Variants in DYNC2H1 observed in about 807,000 individuals in gnomAD.
DYNC2H1 encodes dynein cytoplasmic 2 heavy chain 1, also known as cytoplasmic dynein 2 heavy chain 1.
A neutral mutation model predicts 570.0 loss-of-function variants in DYNC2H1; 410 were observed. The ratio of observed to expected loss-of-function variants is 0.72; its 90% confidence interval spans 0.66 to 0.78. The LOEUF (loss-of-function observed/expected upper bound fraction) is 0.78, where lower values mean the gene tolerates loss of function less well. DYNC2H1 is among the 30% of genes least tolerant of loss of function. The probability of loss-of-function intolerance (pLI) is 0.00; values close to 1 mark genes in which losing one functional copy is unlikely to be tolerated. For synonymous variants in DYNC2H1, 1,688 were observed against 1,677.6 expected, an observed-to-expected ratio of 1.01 and a Z score of -0.15; for missense variants, 4,865 against 5,046.4, an observed-to-expected ratio of 0.96 and a Z score of 1.09.
rs1864418343 is a variant in DYNC2H1 at position 103,241,429 on chromosome 11, A to C, written c.9820-2264A>C. The C allele has an allele frequency of 9.3e-7, 1 of 1,079,124 alleles. No individual in the cohort carries two copies. The highest frequency in any genetic ancestry group is 1.4e-6 in the Non-Finnish European group (1 of 731,394). The allele number at this position is 1,079,124 out of a possible 1,614,324, so 66.8% of individuals were successfully genotyped here. A position where few individuals can be genotyped will look rare whatever the true frequency, so the allele number is the denominator to read the frequency against. On this transcript the variant is annotated intron_variant, in intron 63 of 88. Coordinates refer to ENST00000375735, the MANE Select transcript of DYNC2H1 (RefSeq NM_001377.3). This position sits in a 1 kb window ranked among gnomAD's most constrained non-coding sequence, Gnocchi z 5.1. ...GTCTGGAGACGTAAAATAAGATGAC[A>C]ACAAACTTTTAAGTACCCTTTGAAA...
chr11:103,197,312 G>T (rs1362399592), intron 47 of DYNC2H1, among the ~76,000 whole-genome samples: 1 of 152,118 alleles, frequency 6.6e-6, no homozygotes, highest in African/African-American at 2.4e-5. Flanking sequence ...ACAGTGGGGA[G>T]TAGTGGGAGA....
chr11:103,376,137 C>G (rs1941380778), intron 83 of DYNC2H1, among the ~76,000 whole-genome samples: 1 of 152,180 alleles, frequency 6.6e-6, no homozygotes, highest in African/African-American at 2.4e-5. Flanking sequence ...CTCATTCTCT[C>G]TCCTGCTGTC....
intron 83 of DYNC2H1, among the ~76,000 whole-genome samples, chr11:103,360,180 A>C (rs775014721): frequency 6.6e-6 from 1 of 152,146 alleles, no homozygotes; most frequent in Non-Finnish European, 1.5e-5. Context: ...AGAAATTACT[A>C]TTTTAGGGGA....
Position 103,152,146 on chromosome 11 carries a change from T to C in DYNC2H1, c.2957T>C (p.Leu986Ser), listed in dbSNP as rs762432198. 4 of 1,601,726 alleles carry C rather than the reference T, an allele frequency of 2.5e-6. No individual in the cohort carries two copies. The highest frequency in any genetic ancestry group is 2.3e-5 in the East Asian group (1 of 44,408). ...TTTTTTAACCTTTAGATTTTGCCCT[T>C]ATTTCAAGAAGCTGAAGACAAAAAC... is the stretch of plus-strand genomic sequence containing the variant. ...LQERKPEILP[L>S]FQEAEDKNRL... The change falls in exon 21 of 89, where the codon TTA becomes TCA. Residue 986 changes from leucine (L) to serine (S), a missense_variant. Coordinates refer to ENST00000375735, the MANE Select transcript of DYNC2H1 (RefSeq NM_001377.3).
intron 6 of DYNC2H1, 146 bp downstream of exon 6, chr11:103,118,009 C>A: frequency 1.7e-6 from 1 of 584,400 alleles, no homozygotes; most frequent in Non-Finnish European, 2.7e-6. Context: ...CTTGTTGGGC[C>A]AGTTTCTACA....
rs574778142 is a variant in DYNC2H1, at chr11:103,192,427, G to T, written c.7708+163G>T. Among the ~76,000 whole-genome samples the T allele has an allele frequency of 9.9e-4, 151 of 152,094 alleles. 1 individual carries two copies. Among genetic ancestry groups the T allele is most frequent in the African/African-American group, 3.4e-3 (143 of 41,486 alleles). On this transcript the variant is annotated intron_variant, in intron 47 of 88. Transcript: ENST00000375735. ...GCTCAGTCTTTTTTGCTGGATTTCA[G>T]TAATCATGTTTCAATCAAAATATAA...
At chr11:103,221,665 G>A (rs1321641404) in intron 57 of DYNC2H1, among the ~76,000 whole-genome samples, 2 of 152,128 alleles carry the variant, frequency 1.3e-5, no homozygotes, top group South Asian at 2.1e-4. Flanking sequence ...AGACCAGCCT[G>A]GGCCACATGG....
intron 85 of DYNC2H1, among the ~76,000 whole-genome samples, chr11:103,442,425 C>G (rs897803735): frequency 1.3e-5 from 2 of 152,002 alleles, no homozygotes; most frequent in African/African-American, 4.8e-5. Flanking sequence ...AAATTTTATT[C>G]AGAAAAATAA....
In DYNC2H1 at chr11:103,312,045, C is replaced by A. The variant is rs79978663; in HGVS notation, c.11649+12C>A. The A allele has an allele frequency of 0.15, 235,414 of 1,598,876 alleles. 19,130 individuals carry two copies. Among genetic ancestry groups the A allele is most frequent in the Admixed American group, 0.29 (15,906 of 55,570 alleles). ...ACTATATTCCTCAGGTAAGTAAGAA[C>A]ATGTCTTGAATACATTCTAAGCTTT... On this transcript the variant is annotated intron_variant, in intron 79 of 88. Transcript: ENST00000375735.
intron 4 of DYNC2H1, among the ~76,000 whole-genome samples, 188 bp from the exon 5 acceptor site, chr11:103,116,382 A>G (rs994271962): frequency 1.3e-5 from 2 of 152,050 alleles, no homozygotes; most frequent in African/African-American, 4.8e-5. Flanking sequence ...TTTTCATGAC[A>G]TTGATGTTTG....
In DYNC2H1 at chr11:103,147,878, T is replaced by A; in HGVS notation, c.2809T>A (p.Ser937Thr). The A allele has an allele frequency of 1.2e-6, 2 of 1,600,278 alleles. No homozygotes were observed. Among genetic ancestry groups the A allele is most frequent in the Non-Finnish European group, 1.7e-6 (2 of 1,169,406 alleles). The change falls in exon 19 of 89, where the codon TCC (serine) becomes ACC (threonine). Residue 937 changes from serine (S) to threonine (T), a missense_variant. By Grantham distance (58) the Ser-to-Thr change is moderately conservative. Transcript: ENST00000375735. ...TCTGCTTGTTCTTTCTTTGAAGAAG[T>A]CCATACAGGGTAAATACACATTTTA... ...FDLLVLSLKK[S>T]IQAHLHEIDT...
intron 21 of DYNC2H1, 110 bp from the exon 22 acceptor site, chr11:103,153,193 T>A: frequency 1.1e-6 from 1 of 889,428 alleles, no homozygotes; most frequent in Non-Finnish European, 1.6e-6. Context: ...AAGTTGACAT[T>A]GGTCATTGAT....
At position 103,455,286 on chromosome 11, in the gene DYNC2H1, A is replaced by C; in HGVS notation, c.12557A>C (p.Glu4186Ala). 1 of 1,613,034 alleles carries C rather than the reference A, an allele frequency of 6.2e-7. No homozygotes were observed. The highest frequency in any genetic ancestry group is 8.5e-7 in the Non-Finnish European group (1 of 1,179,260). ...ACATTTCTTAATGCTCTTCGCCAGG[A>C]AACTGCAAGGTAATTAAAATGAAAT... ...PDTFLNALRQETARAVGRSVD... is the reference protein window; with the variant it reads ...PDTFLNALRQATARAVGRSVD... Residue 4186 changes from glutamate (E) to alanine (A), a missense_variant, in exon 86 of 89, where the codon GAA (glutamate) becomes GCA (alanine). Physicochemically the swap from Glu to Ala is moderately radical, Grantham distance 107. Coordinates refer to ENST00000375735, the MANE Select transcript of DYNC2H1 (RefSeq NM_001377.3).
chr11:103,119,349 T>G (rs192928023), intron 6 of DYNC2H1, among the ~76,000 whole-genome samples: 1 of 150,410 alleles, frequency 6.6e-6, no homozygotes, highest in Non-Finnish European at 1.5e-5. Flanking sequence ...CTTTCTTTCC[T>G]TTTTTTTTGA....
chr11:103,215,603 A>G, intron 54 of DYNC2H1, 118 bp from the exon 55 acceptor site: 1 of 939,386 alleles, frequency 1.1e-6, no homozygotes, highest in East Asian at 3.0e-5. Flanking sequence ...TCTACTTGCT[A>G]CTGTTTTGTA....
rs1864456827 is a variant in DYNC2H1 at position 103,242,399 on chromosome 11, A to G, written c.9820-1294A>G. 2.0e-5 allele frequency among the ~76,000 whole-genome samples: 3 copies of G among 152,096 alleles called. 1 individual carries two copies. The South Asian group carries it at 6.2e-4, about 31-fold the overall frequency. On this transcript the variant is annotated intron_variant, in intron 63 of 88. Coordinates refer to ENST00000375735, the MANE Select transcript of DYNC2H1 (RefSeq NM_001377.3). ...ATATCTTATTATACTGTACTCACCT[A>G]TTTTTGGACTGTGGTTGACCATGGG...
intron 79 of DYNC2H1, among the ~76,000 whole-genome samples, chr11:103,312,273 T>C (rs1451315025): frequency 6.8e-6 from 1 of 147,584 alleles, no homozygotes; most frequent in Admixed American, 6.8e-5. Flanking sequence ...CCAGCTACTC[T>C]GGAGGCTGAG....
At chr11:103,235,904 C>T (rs539188711) in intron 62 of DYNC2H1, 91 bp downstream of exon 62, 109 of 1,460,988 alleles carry the variant, frequency 7.5e-5, no homozygotes, top group Middle Eastern at 5.7e-4. Context: ...ACCCTTTATT[C>T]TCTGTTATTT....
At chr11:103,159,808 A>G (rs1459766931) in intron 28 of DYNC2H1, among the ~76,000 whole-genome samples, 2 of 152,172 alleles carry the variant, frequency 1.3e-5, no homozygotes, top group African/African-American at 2.4e-5. Flanking sequence ...ATAATCAAGG[A>G]TCAGCAAAAT....
Sources: allele counts gnomAD v4.1 joint callset (sites outside exome capture counted in the v4.1 genomes callset), GRCh38; gene constraint gnomAD v4.1.1; non-coding constraint Gnocchi (gnomAD v3.1); transcripts MANE v1.5; gene names NCBI Gene and HGNC (gene_info 2026-07-23, HGNC 2026-07-21).